The following FBXO25 variants were observed in gnomAD, a reference collection of about 807,000 sequenced individuals.
FBXO25 encodes the protein F-box only protein 25.
FBXO25 carries 45 observed loss-of-function variants against 51.9 expected under a neutral mutation model. The observed-to-expected ratio is 0.87, with a 90% CI of 0.68 to 1.11. The LOEUF is 1.11. Ranked by LOEUF, FBXO25 falls within the 50% of genes most tolerant of loss-of-function variation. The pLI is 0.00. For missense variants in FBXO25, 507 were observed against 428.5 expected (o/e 1.18, Z -1.62); for synonymous variants, 199 against 151.0 (o/e 1.32, Z -2.33).
chr8:468,007 A>C lies in FBXO25; in HGVS notation c.988-708A>C, dbSNP rs1212729968. ...GATGTGCGCATAAACACTTCACCAC[A>C]CAGCACCTGGTTTGGCAGCACTGCC... On this transcript the variant is annotated intron_variant, in intron 9 of 9. Coordinates refer to ENST00000350302, the MANE Select transcript of FBXO25 (RefSeq NM_183420.2). 7 of 1,324,050 alleles carry C rather than the reference A, an allele frequency of 5.3e-6. No homozygotes were observed. In the African/African-American group the frequency reaches 1.0e-4, roughly 20 times the overall value. The allele number at this position is 1,324,050 out of a possible 1,614,324, so 82.0% of individuals were successfully genotyped here.
At chr8:417,275 G>A (rs1437351710) in intron 2 of FBXO25, among the ~76,000 whole-genome samples, 2 of 152,224 alleles carry the variant, frequency 1.3e-5, no homozygotes, top group Non-Finnish European at 2.9e-5. Context: ...TCAGGCCTAT[G>A]CTTTAACAGG....
chr8:477,896 T>C lies in FBXO25; in HGVS notation c.*9092T>C, dbSNP rs2116666704. On this transcript the variant is annotated 3_prime_UTR_variant, in exon 10 of 10. Coordinates refer to ENST00000350302, the MANE Select transcript of FBXO25 (RefSeq NM_183420.2). The stretch of plus-strand genomic sequence containing the variant: ...AGCTGGTGGGCCCAATTTTGGCCTG[T>C]ATTTCACTTGCCAACCTGATTTATA... 1 of 152,356 alleles carries C rather than the reference T, an allele frequency of 6.6e-6. No homozygotes were observed. Among genetic ancestry groups the C allele is most frequent in the Non-Finnish European group, 1.5e-5 (1 of 68,022 alleles). 9.4% of individuals were successfully genotyped at this position (152,356 alleles called of 1,614,324 possible). A position where few individuals can be genotyped will look rare whatever the true frequency, so the allele number is the denominator to read the frequency against.
chr8:427,209 G>T (rs1450820339), intron 2 of FBXO25, among the ~76,000 whole-genome samples: 1 of 152,088 alleles, frequency 6.6e-6, no homozygotes, highest in Non-Finnish European at 1.5e-5. Flanking sequence ...CTCCCTTCCG[G>T]GGAGGAGCTG....
At chr8:444,571 A>C (rs1798620864) in intron 5 of FBXO25, among the ~76,000 whole-genome samples, 1 of 152,154 alleles carries the variant, frequency 6.6e-6, no homozygotes, top group Non-Finnish European at 1.5e-5. Flanking sequence ...AAAAAAATAC[A>C]GATTCTCTAT....
intron 2 of FBXO25, among the ~76,000 whole-genome samples, chr8:425,117 C>T (rs1797392481): frequency 6.6e-6 from 1 of 152,034 alleles, no homozygotes; most frequent in Admixed American, 6.6e-5. Context: ...TATCAATCAT[C>T]CCAGAAGCGC....
At chr8:445,241 G>T (rs1302521427) in intron 5 of FBXO25, among the ~76,000 whole-genome samples, 1 of 152,088 alleles carries the variant, frequency 6.6e-6, no homozygotes, top group African/African-American at 2.4e-5. Flanking sequence ...CTAATCCCTT[G>T]CCTTCTGCTG....
rs182049955 is a variant in FBXO25, at chr8:465,712, G to A, written c.987+2562G>A. Among the ~76,000 whole-genome samples the A allele has an allele frequency of 4.6e-3, 695 of 152,274 alleles. 6 individuals are homozygous for A. Among genetic ancestry groups the A allele is most frequent in the Non-Finnish European group, 7.2e-3 (490 of 68,010 alleles). Reference sequence around the variant, plus strand: ...TAATTTTATACATAAAACAAAGTTTGTGTTACTTAACATGTGTAGTTTTCC... The same window carrying A: ...TAATTTTATACATAAAACAAAGTTTATGTTACTTAACATGTGTAGTTTTCC... On this transcript the variant is annotated intron_variant, in intron 9 of 9. Coordinates refer to ENST00000350302, the MANE Select transcript of FBXO25 (RefSeq NM_183420.2).
intron 1 of FBXO25, among the ~76,000 whole-genome samples, chr8:408,009 G>A (rs1478880614): frequency 3.2e-4 from 49 of 152,218 alleles, no homozygotes; most frequent in African/African-American, 7.2e-4. Context: ...GCCCTAATCA[G>A]AAAAGACGTT....
intron 4 of FBXO25, among the ~76,000 whole-genome samples, chr8:434,613 C>G (rs1429776698): frequency 6.6e-6 from 1 of 152,170 alleles, no homozygotes; most frequent in Non-Finnish European, 1.5e-5. Context: ...GCTGCTTTCT[C>G]TAGGACATCT....
intron 2 of FBXO25, among the ~76,000 whole-genome samples, chr8:429,897 G>A (rs909295157): frequency 1.3e-5 from 2 of 152,330 alleles, no homozygotes; most frequent in Non-Finnish European, 2.9e-5. Context: ...AGCCATCTAG[G>A]CCCAGATTCA....
chr8:443,430 A>G (rs1255307124), intron 5 of FBXO25, among the ~76,000 whole-genome samples: 1 of 151,808 alleles, frequency 6.6e-6, no homozygotes, highest in Non-Finnish European at 1.5e-5. Context: ...AAATAAAATT[A>G]TAAGTTGTGT....
At chr8:443,327 C>T (rs1347792118) in intron 5 of FBXO25, among the ~76,000 whole-genome samples, 1 of 149,976 alleles carries the variant, frequency 6.7e-6, no homozygotes, top group Non-Finnish European at 1.5e-5. Flanking sequence ...CCACTACCAT[C>T]TTCATTTTTC....
chr8:423,521 C>T (rs1797284426), intron 2 of FBXO25, among the ~76,000 whole-genome samples: 1 of 152,098 alleles, frequency 6.6e-6, no homozygotes, highest in African/African-American at 2.4e-5. Flanking sequence ...GTTTAGCTCC[C>T]ATTTATAAGT....
intron 5 of FBXO25, among the ~76,000 whole-genome samples, chr8:447,660 T>C (rs1369837401): frequency 6.6e-6 from 1 of 152,224 alleles, no homozygotes; most frequent in East Asian, 1.9e-4. Context: ...TGAGATAACT[T>C]GGGGCTGGGA....
rs1800378685 is a variant in FBXO25 at position 469,029 on chromosome 8, G to A, written c.*225G>A. 3 of 499,390 alleles carry A rather than the reference G, an allele frequency of 6.0e-6. No homozygotes were observed. The highest frequency in any genetic ancestry group is 1.1e-5 in the Non-Finnish European group (3 of 283,768). 30.9% of individuals were successfully genotyped at this position (499,390 alleles called of 1,614,324 possible). A position where few individuals can be genotyped will look rare whatever the true frequency, so the allele number is the denominator to read the frequency against. The stretch of plus-strand genomic sequence containing the variant: ...CTACTTCTTTAAAAACTCCTTCTAA[G>A]CATATTAAAATGTGAAATTTTGCGT... On this transcript the variant is annotated 3_prime_UTR_variant, in exon 10 of 10. Transcript: ENST00000350302.
At chr8:462,402 T>C (rs1296699415) in intron 8 of FBXO25, among the ~76,000 whole-genome samples, 1 of 150,110 alleles carries the variant, frequency 6.7e-6, no homozygotes, top group Non-Finnish European at 1.5e-5. Flanking sequence ...ACATATGATG[T>C]GTGTAGCTTA....
At chr8:463,273 A>T (rs749344952) in intron 9 of FBXO25, 123 bp downstream of exon 9, 99 of 1,118,660 alleles carry the variant, frequency 8.8e-5, no homozygotes, top group Non-Finnish European at 1.1e-4. Context: ...TAAGTTAAGG[A>T]GATATATTTT....
At chr8:414,197 G>T (rs1293369243) in intron 2 of FBXO25, among the ~76,000 whole-genome samples, 1 of 152,136 alleles carries the variant, frequency 6.6e-6, no homozygotes, top group Non-Finnish European at 1.5e-5. Context: ...AACTTATATT[G>T]TAGCAGTTCT....
At chr8:442,056 T>C (rs887055484) in intron 5 of FBXO25, among the ~76,000 whole-genome samples, 1 of 152,178 alleles carries the variant, frequency 6.6e-6, no homozygotes, top group Non-Finnish European at 1.5e-5. Context: ...AAGGGCTGTT[T>C]TTAAAATTTC....
Sources: allele counts gnomAD v4.1 joint callset (sites outside exome capture counted in the v4.1 genomes callset), GRCh38; gene constraint gnomAD v4.1.1; transcripts MANE v1.5; gene names NCBI Gene and HGNC (gene_info 2026-07-23, HGNC 2026-07-21).